ZBTB46: variants seen among roughly 807,000 people sequenced by gnomAD.
The protein encoded by ZBTB46 is zinc finger and BTB domain containing 46.
A neutral mutation model predicts 44.1 loss-of-function variants in ZBTB46; 8 were observed. The ratio of observed to expected loss-of-function variants is 0.18; its 90% CI spans 0.11 to 0.33. The LOEUF (loss-of-function observed/expected upper bound fraction) is 0.33. Among genes scored for constraint, ZBTB46 ranks in the 10% least tolerant of loss-of-function variants. The pLI, the probability that ZBTB46 is intolerant of heterozygous loss-of-function variation, is 1.00. For missense variants in ZBTB46, 651 were observed against 847.7 expected (o/e 0.77, Z 2.88); for synonymous variants, 409 against 382.3 (o/e 1.07, Z -0.81).
chr20:63,825,125 G>C (rs2092812854), intron 1 of ZBTB46, among the ~76,000 whole-genome samples: 1 of 151,012 alleles, frequency 6.6e-6, no homozygotes, highest in Admixed American at 6.6e-5. Flanking sequence ...TCCTGGCTGG[G>C]TGCAGTAGCT....
In ZBTB46 at chr20:63,763,910, A is replaced by C. The variant is rs987810820; in HGVS notation, c.1223-11049T>G. On this transcript the variant is annotated intron_variant, in intron 3 of 4. Transcript: ENST00000245663. Reference sequence around the variant, plus strand: ...CCAAATTATAATTGTTGCTTTAAACAATCAAGATTATTTTCTATTACTCAC... The same window carrying C: ...CCAAATTATAATTGTTGCTTTAAACCATCAAGATTATTTTCTATTACTCAC... Among the ~76,000 whole-genome samples, 52 of 152,320 alleles carry C rather than the reference A, an allele frequency of 3.4e-4. 1 individual carries two copies. The highest frequency in any genetic ancestry group is 3.4e-3 in the Admixed American group (52 of 15,284).
chr20:63,821,596 C>G (rs1030696490), intron 1 of ZBTB46, among the ~76,000 whole-genome samples: 2 of 152,118 alleles, frequency 1.3e-5, no homozygotes, highest in South Asian at 4.1e-4. Flanking sequence ...TGTGCCACCA[C>G]GCACAGCTAA....
At chr20:63,813,022 C>T (rs572852095) in intron 1 of ZBTB46, among the ~76,000 whole-genome samples, 1 of 152,218 alleles carries the variant, frequency 6.6e-6, no homozygotes, top group South Asian at 2.1e-4. Flanking sequence ...TGCTTGAACA[C>T]GGAAGGCGGA....
At chr20:63,831,988 G>C (rs1229675850), upstream of ZBTB46, among the ~76,000 whole-genome samples, 2 of 152,056 alleles carry the variant, frequency 1.3e-5, no homozygotes, top group Non-Finnish European at 2.9e-5. Context: ...GGCGCACCTC[G>C]GGCGCAGGCC....
intron 3 of ZBTB46, among the ~76,000 whole-genome samples, chr20:63,764,908 C>T (rs2092306037): frequency 6.8e-6 from 1 of 147,728 alleles, no homozygotes; most frequent in African/African-American, 2.4e-5. Context: ...CCTCTGGCTG[C>T]TTTTAAGATT....
intron 3 of ZBTB46, chr20:63,775,437 C>T (rs2092416510): frequency 4.4e-6 from 2 of 449,888 alleles, no homozygotes; most frequent in South Asian, 1.1e-4. Context: ...TCGGCTGCTC[C>T]CCTGCCCGCC....
Position 63,790,185 on chromosome 20 carries a change from G to A in ZBTB46, c.573C>T (p.Asp191=), listed in dbSNP as rs201041138. 28 of 1,613,522 alleles carry A rather than the reference G, an allele frequency of 1.7e-5. No homozygotes were observed. The East Asian group carries it at 2.5e-4, about 14-fold the overall frequency. ...CCTCTTTCCCGTAGCTGCTCCCTCC[G>A]TCGTGACAGCTGGCGATGGCCGAGT... ...SGDSAIASCH[D]GGSSYGKEDQ... The change falls in exon 2 of 5, where the codon GAC becomes GAT. Residue 191 remains aspartate, a synonymous_variant. Transcript: ENST00000245663.
chr20:63,790,031 G>C lies in ZBTB46; in HGVS notation c.727C>G (p.Leu243Val). Residue 243 changes from leucine to valine, a missense_variant, in exon 2 of 5, where the codon CTG becomes GTG. Transcript: ENST00000245663. ...VSPSQYGGSE[L>V]PSAKDGAVQN... The stretch of plus-strand genomic sequence containing the variant: ...ACTGCACCGTCCTTGGCAGAAGGCA[G>C]CTCGCTCCCTCCGTACTGAGACGGT... 3 of 1,613,950 alleles carry C rather than the reference G, an allele frequency of 1.9e-6. No individual in the cohort carries two copies. The highest frequency in any genetic ancestry group is 2.5e-6 in the Non-Finnish European group (3 of 1,179,886).
rs1220649794 is a variant in ZBTB46, at chr20:63,767,655, C to T, written c.1222+8023G>A. Among the ~76,000 whole-genome samples, 4 of 152,204 alleles carry T rather than the reference C, an allele frequency of 2.6e-5. No homozygotes were observed. The highest frequency in any genetic ancestry group is 4.4e-5 in the Non-Finnish European group (3 of 68,034). On this transcript the variant is annotated intron_variant, in intron 3 of 4. Transcript: ENST00000245663. The surrounding 1 kb of genome is among the most constrained non-coding windows in gnomAD (Gnocchi z 5.0). ...CTCCAGCGCACAGACCAGAGGCACC[C>T]GCAGTTCTGTCCCAAACCACTTCCA... is the stretch of plus-strand genomic sequence containing the variant.
chr20:63,800,100 G>C (rs775352634), intron 1 of ZBTB46, among the ~76,000 whole-genome samples: 2 of 152,196 alleles, frequency 1.3e-5, no homozygotes, highest in African/African-American at 2.4e-5. Context: ...TGCAGAGGCA[G>C]CTCAGGCACA....
chr20:63,777,240 C>T (rs951446221), intron 2 of ZBTB46, among the ~76,000 whole-genome samples: 2 of 152,142 alleles, frequency 1.3e-5, no homozygotes, highest in Non-Finnish European at 2.9e-5. Context: ...GAGGCTAAGA[C>T]CGGAAGATCT....
intron 1 of ZBTB46, among the ~76,000 whole-genome samples, chr20:63,812,511 G>A (rs964767331): frequency 6.6e-6 from 1 of 151,924 alleles, no homozygotes; most frequent in African/African-American, 2.4e-5. Flanking sequence ...GCAATGTGGT[G>A]CGCGCCTATA....
intron 1 of ZBTB46, among the ~76,000 whole-genome samples, chr20:63,816,127 C>CGCAGGTGCAGTGGGT (rs746865461): frequency 3.6e-5 from 5 of 138,810 alleles, no homozygotes; most frequent in South Asian, 2.4e-4. Context: ...CGCAGGTGGG[C>CGCAGGTGCAGTGGGT]GCAGGTGCAG....
chr20:63,787,820 G>C lies in ZBTB46; in HGVS notation c.937+2001C>G, dbSNP rs1173176278. 2 of 152,182 alleles carry C rather than the reference G, an allele frequency of 1.3e-5. No homozygotes were observed. The highest frequency in any genetic ancestry group is 4.8e-5 in the African/African-American group (2 of 41,438). The allele number at this position is 152,182 out of a possible 1,614,324, so 9.4% of individuals were successfully genotyped here. A position where few individuals can be genotyped will look rare whatever the true frequency, so the allele number is the denominator to read the frequency against. ...CAATGATAAAAGTTAACGTATTATC[G>C]AGCTGTGTTCACTCCCGGCTCTCGC... On this transcript the variant is annotated intron_variant, in intron 2 of 4. Transcript: ENST00000245663. This position sits in a 1 kb window ranked among gnomAD's most constrained non-coding sequence, Gnocchi z 4.6.
intron 1 of ZBTB46, among the ~76,000 whole-genome samples, chr20:63,829,544 A>G (rs1371776674): frequency 6.6e-6 from 1 of 152,230 alleles, no homozygotes; most frequent in Non-Finnish European, 1.5e-5. Flanking sequence ...TAGGGGACAC[A>G]GTAAGTTCCC....
At chr20:63,791,817 G>A (rs1049049882) in intron 1 of ZBTB46, among the ~76,000 whole-genome samples, 13 of 152,198 alleles carry the variant, frequency 8.5e-5, no homozygotes, top group African/African-American at 2.2e-4. Flanking sequence ...GGTACACCCC[G>A]TCCCGGAGTC....
chr20:63,822,554 C>T (rs2092798150), intron 1 of ZBTB46, among the ~76,000 whole-genome samples: 1 of 152,202 alleles, frequency 6.6e-6, no homozygotes, highest in Admixed American at 6.6e-5. Flanking sequence ...AGCTTCCTCA[C>T]CCTCCCACGC....
At chr20:63,830,685 C>T (rs932054274) in intron 1 of ZBTB46, among the ~76,000 whole-genome samples, 2 of 149,396 alleles carry the variant, frequency 1.3e-5, no homozygotes, top group African/African-American at 4.9e-5. Context: ...GGCGTTGACG[C>T]AGCAGAAATT....
At chr20:63,812,851 T>C (rs915696921) in intron 1 of ZBTB46, among the ~76,000 whole-genome samples, 3 of 151,812 alleles carry the variant, frequency 2.0e-5, no homozygotes, top group African/African-American at 7.3e-5. Flanking sequence ...ATCCCAATAC[T>C]TTGAGAGGCC....
Sources: allele counts gnomAD v4.1 joint callset (sites outside exome capture counted in the v4.1 genomes callset), GRCh38; gene constraint gnomAD v4.1.1; non-coding constraint Gnocchi (gnomAD v3.1); transcripts MANE v1.5; gene names NCBI Gene and HGNC (gene_info 2026-07-23, HGNC 2026-07-21).